DYNC2I1: variants seen among roughly 807,000 people sequenced by gnomAD.
DYNC2I1 encodes dynein 2 intermediate chain 1.
DYNC2I1 carries 89 observed loss-of-function variants against 133.4 expected under a neutral mutation model. The ratio of observed to expected loss-of-function variants is 0.67; its 90% confidence interval spans 0.56 to 0.80. The LOEUF (loss-of-function observed/expected upper bound fraction) is 0.80, where lower values mean the gene tolerates loss of function less well. Among genes scored for constraint, DYNC2I1 ranks in the 30% least tolerant of loss-of-function variants. The pLI is 0.00. For synonymous variants in DYNC2I1, 504 were observed against 484.3 expected, an observed-to-expected ratio of 1.04 and a Z score of -0.54; for missense variants, 1,291 against 1,314.5, an observed-to-expected ratio of 0.98 and a Z score of 0.28.
In DYNC2I1 at chr7:158,915,611, A is replaced by C. The variant is rs200453720; in HGVS notation, c.1791+1290A>C. ...TTGAGATTAAGGATGATTGTGAAAC[A>C]TCGACACGCTGGTTGACAGGATGAT... On this transcript the variant is annotated intron_variant, in intron 14 of 24. Transcript: ENST00000407559. 8.9e-3 allele frequency among the ~76,000 whole-genome samples: 369 copies of C among 41,594 alleles called. 27 individuals carry two copies. Among genetic ancestry groups the C allele is most frequent in the Middle Eastern group, 0.061 (4 of 66 alleles). The allele number at this position is 41,594 out of a possible 152,430, so 27.3% of individuals were successfully genotyped here.
At chr7:158,939,850 A>G (rs2129488475) in intron 23 of DYNC2I1, among the ~76,000 whole-genome samples, 1 of 152,334 alleles carries the variant, frequency 6.6e-6, no homozygotes, top group East Asian at 1.9e-4. Flanking sequence ...TACAAATCAA[A>G]GACTGTAAAA....
chr7:158,924,052 A>T (rs1016361662), intron 17 of DYNC2I1, among the ~76,000 whole-genome samples: 2 of 152,178 alleles, frequency 1.3e-5, no homozygotes, highest in African/African-American at 4.8e-5. Flanking sequence ...AAGATAGCTC[A>T]CACTCACGTG....
At chr7:158,890,001 T>C (rs1050277090) in intron 7 of DYNC2I1, among the ~76,000 whole-genome samples, 5 of 122,732 alleles carry the variant, frequency 4.1e-5, no homozygotes, top group Non-Finnish European at 8.3e-5. Flanking sequence ...GTGAGACTCC[T>C]TCTCAAAAAA....
rs1843387132 is a variant in DYNC2I1 at position 158,876,670 on chromosome 7, A to G, written c.552A>G (p.Glu184=). ...CTGAAAGAGGAGATGAAGATAGAGAAAGAAGATACCGAGAAAGAAAGGTAT... is the reference window on the plus strand; with the variant it reads ...CTGAAAGAGGAGATGAAGATAGAGAGAGAAGATACCGAGAAAGAAAGGTAT... ...EDSERGDEDR[E]RRYRERKLQY... Residue 184 remains glutamate (E), a synonymous_variant, in exon 4 of 25, where the codon GAA becomes GAG. Transcript: ENST00000407559. 1 of 1,575,090 alleles carries G rather than the reference A, an allele frequency of 6.3e-7. No homozygotes were observed. The highest frequency in any genetic ancestry group is 1.7e-4 in the Middle Eastern group (1 of 5,968).
chr7:158,867,794 G>C (rs1409532977), intron 1 of DYNC2I1, among the ~76,000 whole-genome samples: 1 of 152,074 alleles, frequency 6.6e-6, no homozygotes, highest in Non-Finnish European at 1.5e-5. Context: ...CGTCTCCCAG[G>C]GTGCGCGGTG....
downstream of DYNC2I1, among the ~76,000 whole-genome samples, chr7:158,947,160 T>C (rs1187503215): frequency 6.6e-6 from 1 of 152,210 alleles, no homozygotes; most frequent in Non-Finnish European, 1.5e-5. Flanking sequence ...CGTCTGCATC[T>C]TCATGGAACT....
chr7:158,856,861 G>C (rs1217697108), intron 1 of DYNC2I1, 111 bp downstream of exon 1: 12 of 1,177,166 alleles, frequency 1.0e-5, no homozygotes, highest in Non-Finnish European at 1.2e-5. Context: ...TCTCTCGGCC[G>C]GGCCGGGGCT....
At chr7:158,854,356 C>G (rs1841118412), upstream of DYNC2I1, among the ~76,000 whole-genome samples, 1 of 152,120 alleles carries the variant, frequency 6.6e-6, no homozygotes, top group African/African-American at 2.4e-5. Flanking sequence ...ATCTAGTCCC[C>G]AGCAAGAAGA....
chr7:158,851,258 C>T, the DYNC2I1 span, among the ~76,000 whole-genome samples: 1,871 of 152,140 alleles, frequency 0.012, 15 homozygotes, highest in Non-Finnish European at 0.017. Context: ...TTTGGCTGGG[C>T]GCAGTGGTTC....
chr7:158,898,528 G>A (rs951553796), intron 8 of DYNC2I1, among the ~76,000 whole-genome samples: 3 of 152,140 alleles, frequency 2.0e-5, no homozygotes, highest in Non-Finnish European at 4.4e-5. Flanking sequence ...GAAGTGTGCT[G>A]CGTCAGAAAT....
intron 7 of DYNC2I1, among the ~76,000 whole-genome samples, chr7:158,889,633 A>G (rs1477941578): frequency 6.6e-6 from 1 of 152,066 alleles, no homozygotes; most frequent in Non-Finnish European, 1.5e-5. Context: ...TTTATTGAAA[A>G]AAATAGGCCA....
intron 10 of DYNC2I1, chr7:158,905,217 T>C: frequency 2.7e-6 from 1 of 374,846 alleles, no homozygotes; most frequent in Non-Finnish European, 5.1e-6. Flanking sequence ...CTCGGCTCAC[T>C]GCAACCTTCA....
chr7:158,907,330 A>G (rs1585109577), intron 11 of DYNC2I1, among the ~76,000 whole-genome samples: 1 of 128,148 alleles, frequency 7.8e-6, no homozygotes, highest in African/African-American at 3.0e-5. Context: ...AAAACTACAT[A>G]TGGTTTAATG....
intron 1 of DYNC2I1, among the ~76,000 whole-genome samples, chr7:158,867,009 A>T (rs1584959052): frequency 6.9e-6 from 1 of 144,912 alleles, no homozygotes; most frequent in Admixed American, 6.9e-5. Flanking sequence ...TTTCATTTGG[A>T]CTAAATCTGT....
downstream of DYNC2I1, among the ~76,000 whole-genome samples, chr7:158,946,533 CA>C (rs1851883473): frequency 6.6e-6 from 1 of 152,272 alleles, no homozygotes; most frequent in Non-Finnish European, 1.5e-5. Flanking sequence ...TGCCCTCGCA[CA>C]GTAGCGGAGG....
chr7:158,934,367 A>G (rs1460322577), intron 22 of DYNC2I1, 51 bp from the exon 23 acceptor site: 11 of 1,580,858 alleles, frequency 7.0e-6, no homozygotes, highest in Admixed American at 3.8e-5. Context: ...GCTGTATCCA[A>G]TCTCGTGTGT....
chr7:158,858,818 CCT>C (rs1841568815), intron 1 of DYNC2I1, among the ~76,000 whole-genome samples: 1 of 85,716 alleles, frequency 1.2e-5, no homozygotes, highest in Non-Finnish European at 2.2e-5. Flanking sequence ...CCCCCACTTT[CCT>C]CTCCCCTCCC....
At chr7:158,950,815 G>A (rs1441624499), downstream of DYNC2I1, among the ~76,000 whole-genome samples, 1 of 149,866 alleles carries the variant, frequency 6.7e-6, no homozygotes, top group Non-Finnish European at 1.5e-5. Flanking sequence ...TACTGCACCG[G>A]GACCAGCCTC....
intron 1 of DYNC2I1, among the ~76,000 whole-genome samples, chr7:158,856,956 G>T (rs1031100554): frequency 7.9e-5 from 12 of 152,044 alleles, no homozygotes; most frequent in Non-Finnish European, 1.5e-4. Context: ...CAGGACGCCG[G>T]GCTCCCGGCG....
Sources: gnomAD v4.1 joint callset for allele counts (sites outside exome capture counted in the v4.1 genomes callset) on GRCh38, gnomAD v4.1.1 for gene constraint, MANE v1.5 for transcripts, NCBI Gene and HGNC (gene_info 2026-07-23, HGNC 2026-07-21) for gene names.